Variants in ERBB4 observed in about 807,000 individuals in gnomAD.
The protein encoded by ERBB4 is erb-b2 receptor tyrosine kinase 4.
ERBB4 carries 42 observed loss-of-function variants against 158.0 expected under a neutral mutation model. The ratio of observed to expected loss-of-function variants is 0.27; its 90% CI spans 0.21 to 0.34. ERBB4 has a LOEUF of 0.34. ERBB4 is among the 10% of genes least tolerant of loss of function. The pLI, the probability that ERBB4 is intolerant of heterozygous loss-of-function variation, is 1.00. For synonymous variants in ERBB4, 583 were observed against 558.7 expected, an observed-to-expected ratio of 1.04 and a Z score of -0.61; for missense variants, 1,333 against 1,624.1, an observed-to-expected ratio of 0.82 and a Z score of 3.08.
intron 2 of ERBB4, among the ~76,000 whole-genome samples, chr2:211,994,637 C>A (rs2082155408): frequency 6.6e-6 from 1 of 151,840 alleles, no homozygotes; most frequent in African/African-American, 2.4e-5. Context: ...AGTTTTATTC[C>A]AGACAATATT....
Position 211,386,896 on chromosome 2 carries a change from A to T in ERBB4, c.3438T>A (p.Asp1146Glu). 5 of 1,614,144 alleles carry T rather than the reference A, an allele frequency of 3.1e-6. No homozygotes were observed. The highest frequency in any genetic ancestry group is 4.2e-6 in the Non-Finnish European group (5 of 1,180,024). The change falls in exon 27 of 28, where the codon GAT becomes GAA. Residue 1146 changes from aspartate to glutamate, a missense_variant. Coordinates refer to ENST00000342788, the MANE Select transcript of ERBB4 (RefSeq NM_005235.3). ...GCATAGGAGTCATGTAACCTTCCTC[A>T]TCCAGCTCTCCTCGTGGGCTCCGTT... Reference protein sequence around the residue: ...APERSPRGELDEEGYMTPMRD... With the variant: ...APERSPRGELEEEGYMTPMRD...
chr2:212,061,901 A>T (rs1227146831), intron 2 of ERBB4, among the ~76,000 whole-genome samples: 1 of 151,634 alleles, frequency 6.6e-6, no homozygotes, highest in Non-Finnish European at 1.5e-5. Flanking sequence ...ACACATGGCT[A>T]ATTTTGTATT....
intron 3 of ERBB4, among the ~76,000 whole-genome samples, chr2:211,833,659 T>G (rs572104766): frequency 7.9e-5 from 12 of 152,036 alleles, no homozygotes; most frequent in African/African-American, 2.9e-4. Context: ...AGGATACTCA[T>G]GTTGGATTCT....
chr2:211,623,816 A>G, intron 18 of ERBB4, 106 bp downstream of exon 18: 1 of 1,101,766 alleles, frequency 9.1e-7, no homozygotes, highest in African/African-American at 1.6e-5. Flanking sequence ...TCCTTTCTGA[A>G]TATTATAAGA....
At chr2:212,078,174 C>A (rs563612743) in intron 2 of ERBB4, among the ~76,000 whole-genome samples, 1 of 152,158 alleles carries the variant, frequency 6.6e-6, no homozygotes, top group South Asian at 2.1e-4. Context: ...AGACTTAGGT[C>A]ACCTCATTTT....
intron 9 of ERBB4, among the ~76,000 whole-genome samples, chr2:211,710,805 C>A (rs1462388529): frequency 6.6e-6 from 1 of 152,038 alleles, no homozygotes; most frequent in African/African-American, 2.4e-5. Context: ...GTAAGACATG[C>A]TTTTCTCCTC....
intron 1 of ERBB4, among the ~76,000 whole-genome samples, chr2:212,201,726 C>T (rs1574422541): frequency 6.6e-6 from 1 of 152,136 alleles, no homozygotes; most frequent in Non-Finnish European, 1.5e-5. Context: ...GGTAGACAAA[C>T]TTACATCTCT....
chr2:212,532,289 G>A (rs1692796288), intron 1 of ERBB4, among the ~76,000 whole-genome samples: 1 of 152,200 alleles, frequency 6.6e-6, no homozygotes, highest in Non-Finnish European at 1.5e-5. Context: ...CAGTGCAGGA[G>A]AGTAGAGGCA....
chr2:212,072,884 G>A (rs1255354956), intron 2 of ERBB4, among the ~76,000 whole-genome samples: 1 of 151,912 alleles, frequency 6.6e-6, no homozygotes, highest in African/African-American at 2.4e-5. Flanking sequence ...TGAGTATCTG[G>A]AAGTTGAGAT....
At chr2:211,839,622 C>CA (rs2077426666) in intron 3 of ERBB4, among the ~76,000 whole-genome samples, 1 of 152,026 alleles carries the variant, frequency 6.6e-6, no homozygotes, top group South Asian at 2.1e-4. Flanking sequence ...TATTCTGCAG[C>CA]AAAATCATTG....
intron 1 of ERBB4, among the ~76,000 whole-genome samples, chr2:212,268,668 G>A (rs1288745096): frequency 1.3e-5 from 2 of 151,818 alleles, no homozygotes; most frequent in African/African-American, 4.8e-5. Context: ...AATCTATATT[G>A]TAGGAGGAAA....
intron 20 of ERBB4, among the ~76,000 whole-genome samples, chr2:211,449,417 G>C (rs2064188731): frequency 6.6e-6 from 1 of 152,126 alleles, no homozygotes; most frequent in Admixed American, 6.6e-5. Flanking sequence ...CATTAAATTA[G>C]GAAATGGTTA....
chr2:212,183,423 A>G (rs936870491), intron 1 of ERBB4, among the ~76,000 whole-genome samples: 2 of 152,024 alleles, frequency 1.3e-5, no homozygotes, highest in Non-Finnish European at 2.9e-5. Context: ...TGATTTTCAA[A>G]CAATAGCAAT....
rs539327547 is a variant in ERBB4 at position 211,563,757 on chromosome 2, C to T, written c.2302-1669G>A. 2.6e-5 allele frequency among the ~76,000 whole-genome samples: 4 copies of T among 151,854 alleles called. No individual in the cohort carries two copies. The South Asian group carries it at 8.3e-4, about 31-fold the overall frequency. On this transcript the variant is annotated intron_variant, in intron 19 of 27. Transcript: ENST00000342788. Reference sequence around the variant, plus strand: ...CTGCCATTTACTTTCAAATAGTTTACTCACACAGGGAGGGAGAGAGATATA... The same window carrying T: ...CTGCCATTTACTTTCAAATAGTTTATTCACACAGGGAGGGAGAGAGATATA...
At chr2:211,977,858 CAA>C (rs34095237) in intron 2 of ERBB4, among the ~76,000 whole-genome samples, 22 of 110,018 alleles carry the variant, frequency 2.0e-4, no homozygotes, top group South Asian at 6.3e-4. Context: ...AACTCCGTCT[CAA>C]AAAAAAAAAA....
chr2:212,287,539 CAG>C (rs941291684), intron 1 of ERBB4, among the ~76,000 whole-genome samples: 37 of 151,782 alleles, frequency 2.4e-4, no homozygotes, highest in Admixed American at 7.9e-4. Context: ...CTACTCCAAA[CAG>C]GGGGTAACCT....
At chr2:211,627,754 A>G (rs1036267062) in intron 17 of ERBB4, among the ~76,000 whole-genome samples, 2 of 152,230 alleles carry the variant, frequency 1.3e-5, no homozygotes, top group African/African-American at 4.8e-5. Flanking sequence ...ACAGATGTGT[A>G]TATCAGGAGA....
Position 212,270,086 on chromosome 2 carries a change from C to T in ERBB4, c.83-145183G>A, listed in dbSNP as rs183264257. On this transcript the variant is annotated intron_variant, in intron 1 of 27. Transcript: ENST00000342788. ...CTGAAGCTGCATTTATCAGATTTTACCAGGGATGGTAAATTAAACAGAATT... is the reference window on the plus strand; with the variant it reads ...CTGAAGCTGCATTTATCAGATTTTATCAGGGATGGTAAATTAAACAGAATT... 9.2e-5 allele frequency among the ~76,000 whole-genome samples: 14 copies of T among 151,772 alleles called. No homozygotes were observed. The East Asian group carries it at 2.3e-3, about 25-fold the overall frequency.
chr2:211,634,313 T>A (rs966435538), intron 16 of ERBB4, among the ~76,000 whole-genome samples: 2 of 152,188 alleles, frequency 1.3e-5, no homozygotes, highest in South Asian at 4.1e-4. Context: ...ATCTAAGTAC[T>A]TTTGTGTATA....
Sources: gnomAD v4.1 joint callset for allele counts (sites outside exome capture counted in the v4.1 genomes callset) on GRCh38, gnomAD v4.1.1 for gene constraint, MANE v1.5 for transcripts, NCBI Gene and HGNC (gene_info 2026-07-23, HGNC 2026-07-21) for gene names.